KAT2B: variants seen among roughly 807,000 people sequenced by gnomAD.
The protein encoded by KAT2B is histone acetyltransferase KAT2B.
Under a neutral mutation model 105.9 loss-of-function variants are expected in KAT2B, and 36 were observed. The observed-to-expected ratio is 0.34, with a 90% CI of 0.26 to 0.45. The LOEUF is 0.45. Ranked by LOEUF, KAT2B falls within the 20% of genes least tolerant of loss-of-function variation. The probability of loss-of-function intolerance (pLI) is 1.00; values close to 1 mark genes in which losing one functional copy is unlikely to be tolerated. For synonymous variants in KAT2B, 397 were observed against 377.9 expected (o/e 1.05, Z -0.59); for missense variants, 820 against 1,021.6 (o/e 0.80, Z 2.69).
chr3:20,051,038 T>C (rs1697906872), intron 1 of KAT2B, among the ~76,000 whole-genome samples: 1 of 151,478 alleles, frequency 6.6e-6, no homozygotes, highest in South Asian at 2.1e-4. Context: ...TTGTTTCTAC[T>C]AAAATACAAA....
At chr3:20,129,122 T>C (rs1365886015) in intron 11 of KAT2B, among the ~76,000 whole-genome samples, 1 of 151,668 alleles carries the variant, frequency 6.6e-6, no homozygotes, top group Non-Finnish European at 1.5e-5. Flanking sequence ...TTGGAAGGTC[T>C]AAAGCAATGT....
chr3:20,048,393 A>T (rs1209785771), intron 1 of KAT2B, among the ~76,000 whole-genome samples: 1 of 152,234 alleles, frequency 6.6e-6, no homozygotes, highest in Admixed American at 6.5e-5. Context: ...GTGCTTGGAA[A>T]TAGCGATTTG....
At position 20,125,897 on chromosome 3, in the gene KAT2B, C is replaced by T; in HGVS notation, c.1414-8C>T. 1 of 1,612,434 alleles carries T rather than the reference C, an allele frequency of 6.2e-7. No homozygotes were observed. Among genetic ancestry groups the T allele is most frequent in the Non-Finnish European group, 8.5e-7 (1 of 1,179,328 alleles). ...CTGTGTAATTTTTTCCTGTCTCTTG[C>T]ATCTCAGACCAATTTTCTGTCAGCA... is the stretch of plus-strand genomic sequence containing the variant. On this transcript the variant is annotated splice_polypyrimidine_tract_variant and splice_region_variant and intron_variant, in intron 9 of 17. Transcript: ENST00000263754.
At position 20,040,544 on chromosome 3, in the gene KAT2B, G is replaced by T. The variant is rs1282746674; in HGVS notation, c.67G>T (p.Gly23Trp). ...AGGAGCCGGGGCAGGGGCCGGGCCC[G>T]GGGCGCTGCCCCCGCAGCCTGCGGC... ...GAGAGAGAGP[G>W]ALPPQPAALP... The change falls in exon 1 of 18, where the codon GGG becomes TGG. Residue 23 changes from glycine (G) to tryptophan (W), a missense_variant. By Grantham distance (184) the Gly-to-Trp change is radical. Transcript: ENST00000263754. The T allele has an allele frequency of 9.9e-7, 1 of 1,013,904 alleles. No homozygotes were observed. The highest frequency in any genetic ancestry group is 4.4e-5 in the South Asian group (1 of 22,516). 62.8% of individuals were successfully genotyped at this position (1,013,904 alleles called of 1,614,324 possible). A position where few individuals can be genotyped will look rare whatever the true frequency, so the allele number is the denominator to read the frequency against.
chr3:20,049,854 C>T (rs1323667678), intron 1 of KAT2B, among the ~76,000 whole-genome samples: 1 of 152,116 alleles, frequency 6.6e-6, no homozygotes, highest in Non-Finnish European at 1.5e-5. Flanking sequence ...CCTACTCAGG[C>T]TATAGAAGGT....
intron 11 of KAT2B, among the ~76,000 whole-genome samples, 160 bp downstream of exon 11, chr3:20,127,709 C>T (rs1575150088): frequency 1.3e-5 from 2 of 152,334 alleles, no homozygotes; most frequent in South Asian, 4.1e-4. Context: ...TGGTCTCCAA[C>T]CTTTTTGGCA....
At chr3:20,102,276 C>T (rs1406805475) in intron 5 of KAT2B, among the ~76,000 whole-genome samples, 3 of 151,844 alleles carry the variant, frequency 2.0e-5, no homozygotes, top group African/African-American at 7.3e-5. Flanking sequence ...AGATCGTGCA[C>T]TCTGGGCAAC....
intron 5 of KAT2B, among the ~76,000 whole-genome samples, chr3:20,104,929 C>G (rs1264939532): frequency 6.7e-6 from 1 of 149,778 alleles, no homozygotes; most frequent in Middle Eastern, 3.5e-3. Context: ...CTCTGTTGTC[C>G]AGGCTGGAGT....
At chr3:20,099,995 C>A in intron 4 of KAT2B, 41 bp downstream of exon 4, 1 of 1,013,510 alleles carries the variant, frequency 9.9e-7, no homozygotes, top group Non-Finnish European at 1.5e-6. Context: ...TGGCTCAAGG[C>A]TGAAGAAATC....
intron 2 of KAT2B, among the ~76,000 whole-genome samples, chr3:20,089,064 A>C (rs1698669668): frequency 6.6e-6 from 1 of 152,094 alleles, no homozygotes; most frequent in Non-Finnish European, 1.5e-5. Flanking sequence ...TGGGCTGTCT[A>C]TTCTGTTCAG....
rs1316039734 is a variant in KAT2B at position 20,095,396 on chromosome 3, C to T, written c.564C>T (p.Phe188=). 1 of 1,587,864 alleles carries T rather than the reference C, an allele frequency of 6.3e-7. No individual in the cohort carries two copies. Among genetic ancestry groups the T allele is most frequent in the Non-Finnish European group, 8.6e-7 (1 of 1,158,210 alleles). ...EEDADTKQVY[F]YLFKLLRKSI... ...ATGCAGATACCAAACAAGTTTATTTCTATCTATTTAAGGTGAGATTTTAAC... is the reference window on the plus strand; with the variant it reads ...ATGCAGATACCAAACAAGTTTATTTTTATCTATTTAAGGTGAGATTTTAAC... Residue 188 remains phenylalanine (F), a synonymous_variant, in exon 3 of 18, where the codon TTC becomes TTT. Coordinates refer to ENST00000263754, the MANE Select transcript of KAT2B (RefSeq NM_003884.5).
At chr3:20,115,721 T>C (rs907121685) in intron 7 of KAT2B, among the ~76,000 whole-genome samples, 6 of 152,228 alleles carry the variant, frequency 3.9e-5, no homozygotes, top group African/African-American at 1.4e-4. Context: ...CATCAAAATA[T>C]AGAACAGTGG....
chr3:20,127,230 T>A (rs1292330567), intron 10 of KAT2B, among the ~76,000 whole-genome samples, 193 bp from the exon 11 acceptor site: 1 of 152,092 alleles, frequency 6.6e-6, no homozygotes, highest in Non-Finnish European at 1.5e-5. Context: ...GCTGATGACA[T>A]CTTGTGCAGG....
intron 6 of KAT2B, among the ~76,000 whole-genome samples, chr3:20,113,992 TTTAG>T (rs1055391067): frequency 2.8e-4 from 43 of 152,266 alleles, no homozygotes; most frequent in African/African-American, 1.0e-3. Context: ...TTTTAGTGCT[TTTAG>T]TTATTTCTGT....
intron 5 of KAT2B, among the ~76,000 whole-genome samples, chr3:20,111,281 T>C (rs892110724): frequency 6.6e-6 from 1 of 152,238 alleles, no homozygotes; most frequent in African/African-American, 2.4e-5. Context: ...CTAAATAGCG[T>C]AATCAAATTT....
intron 2 of KAT2B, among the ~76,000 whole-genome samples, chr3:20,088,909 T>C (rs375779524): frequency 3.3e-5 from 5 of 152,264 alleles, no homozygotes; most frequent in African/African-American, 1.2e-4. Context: ...TTTGAATAGG[T>C]TTTTGTATAT....
At chr3:20,080,406 C>G (rs1422679802) in intron 2 of KAT2B, among the ~76,000 whole-genome samples, 2 of 152,178 alleles carry the variant, frequency 1.3e-5, no homozygotes, top group African/African-American at 4.8e-5. Flanking sequence ...TCCTCCAAGG[C>G]TTGACTGCAG....
At chr3:20,062,987 T>A (rs1208714677) in intron 1 of KAT2B, among the ~76,000 whole-genome samples, 3 of 152,152 alleles carry the variant, frequency 2.0e-5, no homozygotes, top group Non-Finnish European at 4.4e-5. Flanking sequence ...GCCTTTTCAC[T>A]CTGTTGTGTA....
At chr3:20,087,688 T>G (rs1036027699) in intron 2 of KAT2B, among the ~76,000 whole-genome samples, 1 of 152,182 alleles carries the variant, frequency 6.6e-6, no homozygotes, top group Non-Finnish European at 1.5e-5. Flanking sequence ...CTAATAACCA[T>G]CATTTTACTT....
Sources: allele counts gnomAD v4.1 joint callset (sites outside exome capture counted in the v4.1 genomes callset), GRCh38; gene constraint gnomAD v4.1.1; transcripts MANE v1.5; gene names NCBI Gene and HGNC (gene_info 2026-07-23, HGNC 2026-07-21).